PIEZO1: variants seen among roughly 807,000 people sequenced by gnomAD.
PIEZO1 encodes the protein piezo-type mechanosensitive ion channel component 1.
In PIEZO1, 296 loss-of-function variants were observed where a neutral mutation model predicts 297.2. The ratio of observed to expected loss-of-function variants is 1.00; its 90% confidence interval spans 0.91 to 1.10. The LOEUF (loss-of-function observed/expected upper bound fraction) is 1.10, where lower values mean the gene tolerates loss of function less well. PIEZO1 is among the 50% of genes least tolerant of loss of function. The pLI, the probability that PIEZO1 is intolerant of heterozygous loss-of-function variation, is 0.00. For missense variants in PIEZO1, 5,018 were observed against 3,455.5 expected, an observed-to-expected ratio of 1.45 and a Z score of -11.34; for synonymous variants, 2,427 against 1,507.5, an observed-to-expected ratio of 1.61 and a Z score of -14.13.
intron 1 of PIEZO1, among the ~76,000 whole-genome samples, chr16:88,762,505 T>C (rs1224910598): frequency 2.6e-5 from 4 of 152,114 alleles, no homozygotes; most frequent in Non-Finnish European, 5.9e-5. Context: ...GGAGAGGATG[T>C]GTCTGGGGAG....
chr16:88,777,098 G>A (rs1338280809), intron 1 of PIEZO1, among the ~76,000 whole-genome samples: 2 of 152,172 alleles, frequency 1.3e-5, no homozygotes, highest in Non-Finnish European at 2.9e-5. Context: ...TCAGCCTCCC[G>A]AGTAGCTAGG....
intron 1 of PIEZO1, among the ~76,000 whole-genome samples, chr16:88,765,207 G>A (rs1454159217): frequency 6.6e-6 from 1 of 152,238 alleles, no homozygotes; most frequent in African/African-American, 2.4e-5. Flanking sequence ...CACTCAGAGA[G>A]GAATGCAACC....
At position 88,716,790 on chromosome 16, in the gene PIEZO1, G is replaced by T. The variant is rs1912072219; in HGVS notation, c.6753+16C>A. Reference sequence around the variant, plus strand: ...CGCCTCCCCACACCAGCTTTCACAGGGCAGAGGCCACTTACCGGCTGGGGG... The same window carrying T: ...CGCCTCCCCACACCAGCTTTCACAGTGCAGAGGCCACTTACCGGCTGGGGG... On this transcript the variant is annotated intron_variant, in intron 46 of 50. Coordinates refer to ENST00000301015, the MANE Select transcript of PIEZO1 (RefSeq NM_001142864.4). The T allele has an allele frequency of 1.9e-6, 3 of 1,549,724 alleles. No homozygotes were observed. Among genetic ancestry groups the T allele is most frequent in the Admixed American group, 2.0e-5 (1 of 51,010 alleles).
rs758308856 is a variant in PIEZO1 at position 88,742,417 on chromosome 16, T to C, written c.166A>G (p.Thr56Ala). 6.5e-7 allele frequency: 1 copy of C among 1,534,538 alleles called. No homozygotes were observed. The highest frequency in any genetic ancestry group is 8.7e-7 in the Non-Finnish European group (1 of 1,146,522). The change falls in exon 3 of 51, where the codon ACA (threonine) becomes GCA (alanine). Residue 56 changes from threonine (T) to alanine (A), a missense_variant. By Grantham distance (58) the Thr-to-Ala change is moderately conservative (BLOSUM62 0). Transcript: ENST00000301015. Reference sequence around the variant, plus strand: ...AGCAATGCCCGCAGGAGGCGGCCTGTGTGACCTGCGGCAGAGCGAGTGGGT... The same window carrying C: ...AGCAATGCCCGCAGGAGGCGGCCTGCGTGACCTGCGGCAGAGCGAGTGGGT... Reference protein sequence around the residue: ...GPTRCGLQGHTGRLLRALLGL... With the variant: ...GPTRCGLQGHAGRLLRALLGL...
chr16:88,748,832 C>T (rs1454539609), intron 2 of PIEZO1, among the ~76,000 whole-genome samples: 1 of 147,286 alleles, frequency 6.8e-6, no homozygotes, highest in Non-Finnish European at 1.5e-5. Context: ...ACTTGGGAGG[C>T]TGGGATGCGA....
intron 44 of PIEZO1, 150 bp downstream of exon 44, chr16:88,719,424 G>T: frequency 1.5e-6 from 1 of 672,630 alleles, no homozygotes; most frequent in Non-Finnish European, 2.5e-6. Context: ...CTCGTGATCA[G>T]CTAGTGGGTG....
Position 88,715,466 on chromosome 16 carries a change from C to T in PIEZO1, c.*139G>A, listed in dbSNP as rs1911921882. ...TCCTTCTCTGACAGCAGCATCAGGG[C>T]TCAGGCAGGCCGGGAGGATGCATCA... On this transcript the variant is annotated 3_prime_UTR_variant, in exon 51 of 51. Transcript: ENST00000301015. 11 of 1,017,812 alleles carry T rather than the reference C, an allele frequency of 1.1e-5. No individual in the cohort carries two copies. Among genetic ancestry groups the T allele is most frequent in the South Asian group, 1.6e-5 (1 of 62,530 alleles). 63.0% of individuals were successfully genotyped at this position (1,017,812 alleles called of 1,614,324 possible). A position where few individuals can be genotyped will look rare whatever the true frequency, so the allele number is the denominator to read the frequency against.
intron 2 of PIEZO1, among the ~76,000 whole-genome samples, chr16:88,746,815 T>C (rs1348156277): frequency 6.6e-6 from 1 of 152,160 alleles, no homozygotes; most frequent in Non-Finnish European, 1.5e-5. Flanking sequence ...TAAAGGAAAG[T>C]GTTTCCAATT....
At chr16:88,780,980 A>G (rs1907907801) in intron 1 of PIEZO1, among the ~76,000 whole-genome samples, 1 of 152,202 alleles carries the variant, frequency 6.6e-6, no homozygotes, top group African/African-American at 2.4e-5. Flanking sequence ...AAAAAAGCCT[A>G]ACTGTCTATT....
intron 2 of PIEZO1, among the ~76,000 whole-genome samples, chr16:88,748,046 G>A (rs1028394805): frequency 6.6e-6 from 1 of 152,204 alleles, no homozygotes; most frequent in African/African-American, 2.4e-5. Context: ...CTCCCAGAAG[G>A]GCGGCACCCA....
chr16:88,717,389 A>G (rs1409874483), intron 44 of PIEZO1, 178 bp from the exon 45 acceptor site: 1 of 657,978 alleles, frequency 1.5e-6, no homozygotes, highest in African/African-American at 1.8e-5. Flanking sequence ...TCCAGTTGGA[A>G]CCCTCATGTT....
intron 1 of PIEZO1, among the ~76,000 whole-genome samples, chr16:88,773,870 T>C (rs140695403): frequency 1.3e-5 from 2 of 152,174 alleles, no homozygotes; most frequent in East Asian, 1.9e-4. Flanking sequence ...CACCGGAGCT[T>C]GCTCTGGGCA....
chr16:88,784,834 G>A lies in PIEZO1; in HGVS notation c.64+67C>T, dbSNP rs1597494976. On this transcript the variant is annotated intron_variant, in intron 1 of 50. Coordinates refer to ENST00000301015, the MANE Select transcript of PIEZO1 (RefSeq NM_001142864.4). ...CTCGCCCCGGCCGGCGTCGTCCGGT[G>A]TCCAGGCCGTGGGGAGCCGAGACGC... is the stretch of plus-strand genomic sequence containing the variant. 4 of 1,193,092 alleles carry A rather than the reference G, an allele frequency of 3.4e-6. No individual in the cohort carries two copies. The East Asian group carries it at 1.4e-4, about 42-fold the overall frequency. The allele number at this position is 1,193,092 out of a possible 1,614,324, so 73.9% of individuals were successfully genotyped here. A position where few individuals can be genotyped will look rare whatever the true frequency, so the allele number is the denominator to read the frequency against.
chr16:88,783,556 A>C (rs1452530694), intron 1 of PIEZO1, among the ~76,000 whole-genome samples: 1 of 152,186 alleles, frequency 6.6e-6, no homozygotes, highest in African/African-American at 2.4e-5. Flanking sequence ...AAGGCCTGTC[A>C]GCTCTAGACT....
chr16:88,753,270 TCACCCGCCCCCCCAGAGC>T, intron 1 of PIEZO1, among the ~76,000 whole-genome samples: 1 of 18,468 alleles, frequency 5.4e-5, no homozygotes, highest in South Asian at 3.5e-3. Flanking sequence ...CCCCCAGAGC[TCACCCGCCCCCCCAGAGC>T]GTACCCGGCC....
rs767600698 is a variant in PIEZO1 at position 88,738,310 on chromosome 16, G to C, written c.765C>G (p.Phe255Leu). ...AGAGGCAGATGAGATGGCCGGCGCC[G>C]AAGCACCCCACCGCGACGCAGAGTC... The part of the protein sequence containing the change: ...FSRLCVAVGC[F>L]GAGHLICLYC... Residue 255 changes from phenylalanine to leucine, a missense_variant, in exon 7 of 51, where the codon TTC (phenylalanine) becomes TTG (leucine). Coordinates refer to ENST00000301015, the MANE Select transcript of PIEZO1 (RefSeq NM_001142864.4). The C allele has an allele frequency of 6.5e-7, 1 of 1,535,762 alleles. No individual in the cohort carries two copies. The highest frequency in any genetic ancestry group is 8.7e-7 in the Non-Finnish European group (1 of 1,146,852).
chr16:88,721,637 G>A lies in PIEZO1; in HGVS notation c.5304C>T (p.Tyr1768=), dbSNP rs1912461444. The A allele has an allele frequency of 9.0e-6, 14 of 1,550,234 alleles. No individual in the cohort carries two copies. The highest frequency in any genetic ancestry group is 3.3e-4 in the Middle Eastern group (2 of 5,982). ...VVLRRYENKP[Y]FPPRILGLEK... ...CCAGGCCCAGGATGCGGGGCGGGAA[G>A]TAGGGCTTGTTCTCGTAGCGCCGCA... is the stretch of plus-strand genomic sequence containing the variant. The change falls in exon 38 of 51, where the codon TAC becomes TAT. Residue 1768 remains tyrosine (Y), a synonymous_variant. Coordinates refer to ENST00000301015, the MANE Select transcript of PIEZO1 (RefSeq NM_001142864.4).
intron 36 of PIEZO1, 21 bp from the exon 37 acceptor site, chr16:88,722,087 T>G (rs373977598): frequency 7.8e-6 from 12 of 1,539,960 alleles, no homozygotes; most frequent in East Asian, 2.5e-5. Flanking sequence ...ACCCGCGTGT[T>G]TGGGGGAGTC....
chr16:88,752,188 G>A (rs1173653651), intron 1 of PIEZO1, among the ~76,000 whole-genome samples: 3 of 152,238 alleles, frequency 2.0e-5, no homozygotes, highest in Admixed American at 1.3e-4. Flanking sequence ...TGCGGCTAAC[G>A]TGACAAACTT....
Sources: allele counts gnomAD v4.1 joint callset (sites outside exome capture counted in the v4.1 genomes callset), GRCh38; gene constraint gnomAD v4.1.1; transcripts MANE v1.5; gene names NCBI Gene and HGNC (gene_info 2026-07-23, HGNC 2026-07-21).